Variants in LRBA observed in about 807,000 individuals in gnomAD.
LRBA encodes the protein LPS responsive beige-like anchor protein, also known as lipopolysaccharide-responsive and beige-like anchor protein.
LRBA carries 176 observed loss-of-function variants against 330.0 expected under a neutral mutation model. The ratio of observed to expected loss-of-function variants is 0.53; its 90% confidence interval spans 0.47 to 0.60. The LOEUF is 0.60. Ranked by LOEUF, LRBA falls within the 20% of genes least tolerant of loss-of-function variation. The pLI is 0.00. For missense variants in LRBA, 3,259 were observed against 3,444.8 expected, an observed-to-expected ratio of 0.95 and a Z score of 1.35; for synonymous variants, 1,230 against 1,193.0, an observed-to-expected ratio of 1.03 and a Z score of -0.64.
chr4:150,501,052 C>T (rs914449044), intron 40 of LRBA, among the ~76,000 whole-genome samples: 7 of 152,116 alleles, frequency 4.6e-5, no homozygotes, highest in Non-Finnish European at 7.3e-5. Flanking sequence ...TGCCTTCAGA[C>T]GTAATCTTCC....
At chr4:150,600,582 G>T (rs1258208841) in intron 37 of LRBA, among the ~76,000 whole-genome samples, 2 of 151,924 alleles carry the variant, frequency 1.3e-5, no homozygotes, top group Non-Finnish European at 2.9e-5. Flanking sequence ...GGTGATTTTG[G>T]TCAGGAGAAG....
rs1778445416 is a variant in LRBA at position 150,639,817 on chromosome 4, GTGTATATATATATATATATATA to G, written c.5922-40708_5922-40687del. On this transcript the variant is annotated intron_variant, in intron 37 of 56. Coordinates refer to ENST00000651943, the MANE Select transcript of LRBA (RefSeq NM_001364905.1). ...TATATATATATATATGTGTGTGTGT[GTGTATATATATATATATATATA>G]TATATATATATATATATATATATAT... Among the ~76,000 whole-genome samples the G allele has an allele frequency of 1.1e-3, 6 of 5,376 alleles. 1 individual carries two copies. The highest frequency in any genetic ancestry group is 2.5e-3 in the African/African-American group (5 of 1,972). The allele number at this position is 5,376 out of a possible 152,430, so 3.5% of individuals were successfully genotyped here.
At chr4:150,709,534 C>A (rs930670934) in intron 36 of LRBA, among the ~76,000 whole-genome samples, 3 of 151,820 alleles carry the variant, frequency 2.0e-5, no homozygotes, top group Admixed American at 1.3e-4. Flanking sequence ...CCATAGAGAA[C>A]CATCCTTACT....
intron 44 of LRBA, among the ~76,000 whole-genome samples, chr4:150,449,897 A>G (rs1753136674): frequency 6.6e-6 from 1 of 152,214 alleles, no homozygotes; most frequent in Non-Finnish European, 1.5e-5. Context: ...CAAAGAACTG[A>G]TGTGTAGAAT....
intron 36 of LRBA, among the ~76,000 whole-genome samples, chr4:150,703,686 C>T (rs1050006363): frequency 2.0e-5 from 3 of 152,082 alleles, no homozygotes; most frequent in African/African-American, 4.8e-5. Context: ...CAGCCTTTAA[C>T]GATTTCTCCT....
chr4:150,799,311 T>C (rs554783675), intron 33 of LRBA, among the ~76,000 whole-genome samples: 3 of 152,192 alleles, frequency 2.0e-5, no homozygotes, highest in Non-Finnish European at 4.4e-5. Context: ...AGCAAATTAT[T>C]AACTACAGTG....
At position 150,852,226 on chromosome 4, in the gene LRBA, C is replaced by T; in HGVS notation, c.3484G>A (p.Val1162Ile). 6.2e-7 allele frequency: 1 copy of T among 1,614,090 alleles called. No individual in the cohort carries two copies. The highest frequency in any genetic ancestry group is 1.1e-5 in the South Asian group (1 of 91,078). ...DKLIFQEGKP[V>I]TEKQTDTETQ... ...TCAGTATCAGTTTGCTTTTCAGTAACAGGTTTTCCTTCTTGAAATATTAAT... is the reference window on the plus strand; with the variant it reads ...TCAGTATCAGTTTGCTTTTCAGTAATAGGTTTTCCTTCTTGAAATATTAAT... The change falls in exon 23 of 57, where the codon GTT becomes ATT. Residue 1162 changes from valine to isoleucine, a missense_variant. Physicochemically the swap from Val to Ile is conservative, Grantham distance 29. Coordinates refer to ENST00000651943, the MANE Select transcript of LRBA (RefSeq NM_001364905.1).
intron 44 of LRBA, among the ~76,000 whole-genome samples, chr4:150,441,858 A>T (rs917196989): frequency 1.4e-4 from 22 of 152,226 alleles, no homozygotes; most frequent in African/African-American, 5.1e-4. Context: ...CAATTTTTCA[A>T]ATATTTCTTT....
At chr4:150,781,840 A>G (rs1738274670) in intron 34 of LRBA, among the ~76,000 whole-genome samples, 2 of 151,822 alleles carry the variant, frequency 1.3e-5, no homozygotes, top group South Asian at 4.2e-4. Flanking sequence ...AGGGACCTCT[A>G]CCCTCCTTAA....
At chr4:150,571,660 T>TTG (rs1769869826) in intron 40 of LRBA, among the ~76,000 whole-genome samples, 2 of 144,556 alleles carry the variant, frequency 1.4e-5, no homozygotes, top group Non-Finnish European at 1.5e-5. Context: ...TTTTTTTTTT[T>TTG]TTTTTTTTTT....
intron 47 of LRBA, among the ~76,000 whole-genome samples, chr4:150,351,475 G>A (rs1159115153): frequency 6.6e-6 from 1 of 152,046 alleles, no homozygotes; most frequent in Non-Finnish European, 1.5e-5. Context: ...GGATCACGAG[G>A]TCAGGAGATC....
rs1420808203 is a variant in LRBA at position 150,583,245 on chromosome 4, C to T, written c.6330+4803G>A. Reference sequence around the variant, plus strand: ...AGGGGCTCGAGGTCATTTCGCCCACCGAATTTGAGGTGGTGCTCTACCTAA... The same window carrying T: ...AGGGGCTCGAGGTCATTTCGCCCACTGAATTTGAGGTGGTGCTCTACCTAA... On this transcript the variant is annotated intron_variant, in intron 40 of 56. Coordinates refer to ENST00000651943, the MANE Select transcript of LRBA (RefSeq NM_001364905.1). This position sits in a 1 kb window ranked among gnomAD's most constrained non-coding sequence, Gnocchi z 9.8. 8 of 1,614,224 alleles carry T rather than the reference C, an allele frequency of 5.0e-6. No homozygotes were observed. Among genetic ancestry groups the T allele is most frequent in the South Asian group, 4.4e-5 (4 of 91,086 alleles).
At chr4:150,516,219 T>C (rs1427353720) in intron 40 of LRBA, among the ~76,000 whole-genome samples, 2 of 22,952 alleles carry the variant, frequency 8.7e-5, no homozygotes, top group African/African-American at 1.6e-4. Flanking sequence ...TCTATTCTCT[T>C]TTTTTTTTTT....
At chr4:150,357,143 G>C (rs1181998129) in intron 47 of LRBA, among the ~76,000 whole-genome samples, 1 of 152,028 alleles carries the variant, frequency 6.6e-6, no homozygotes. Context: ...CTGTTGGGCA[G>C]AAGAGATATT....
At chr4:150,532,291 C>T (rs1434988305) in intron 40 of LRBA, among the ~76,000 whole-genome samples, 1 of 152,128 alleles carries the variant, frequency 6.6e-6, no homozygotes, top group Non-Finnish European at 1.5e-5. Flanking sequence ...TTCATTTTCT[C>T]CTTTGTTGAA....
At chr4:150,432,453 CTTTTTTTTTTTT>C (rs35393002) in intron 46 of LRBA, among the ~76,000 whole-genome samples, 6 of 98,436 alleles carry the variant, frequency 6.1e-5, no homozygotes, top group Non-Finnish European at 9.1e-5. Flanking sequence ...TAAGTGTGTT[CTTTTTTTTTTTT>C]TTTTTTTTTT....
At chr4:150,934,852 T>A (rs1734911189) in intron 2 of LRBA, among the ~76,000 whole-genome samples, 1 of 151,888 alleles carries the variant, frequency 6.6e-6, no homozygotes, top group East Asian at 1.9e-4. Context: ...CTACTAAAAA[T>A]ACAAAATTAG....
chr4:150,779,811 T>C (rs1399666354), intron 34 of LRBA, among the ~76,000 whole-genome samples: 1 of 152,088 alleles, frequency 6.6e-6, no homozygotes, highest in Non-Finnish European at 1.5e-5. Flanking sequence ...CCTCAATCCA[T>C]TTGTAAAAAG....
intron 31 of LRBA, among the ~76,000 whole-genome samples, chr4:150,809,779 C>A (rs528780690): frequency 6.6e-6 from 1 of 152,128 alleles, no homozygotes; most frequent in South Asian, 2.1e-4. Flanking sequence ...GCCTAGAGGG[C>A]AGAGGTTGCA....
Sources: gnomAD v4.1 joint callset for allele counts (sites outside exome capture counted in the v4.1 genomes callset) on GRCh38, gnomAD v4.1.1 for gene constraint, Gnocchi (gnomAD v3.1) non-coding constraint, MANE v1.5 for transcripts, NCBI Gene and HGNC (gene_info 2026-07-23, HGNC 2026-07-21) for gene names.